PCDH11Y: variants seen among roughly 807,000 people sequenced by gnomAD.
The protein encoded by PCDH11Y is protocadherin-11 Y-linked.
For missense variants in PCDH11Y, 12 were observed against 224.8 expected (o/e 0.05, Z 6.05); for synonymous variants, 9 against 83.6 (o/e 0.11, Z 4.87).
At chrY:5,729,058 T>C in intron 4 of PCDH11Y, among the ~76,000 whole-genome samples, 1 of 33,690 alleles carries the variant, frequency 3.0e-5, no homozygotes, top group Non-Finnish European at 7.4e-5. Flanking sequence ...TCTTTGCTAT[T>C]GTGAACAGTG....
At chrY:5,706,848 G>C in intron 4 of PCDH11Y, among the ~76,000 whole-genome samples, 1 of 30,675 alleles carries the variant, frequency 3.3e-5, no homozygotes, top group Non-Finnish European at 8.0e-5. Context: ...CTATTACTCT[G>C]CTGTATATTC....
At chrY:5,125,745 A>G (rs2052824480) in intron 2 of PCDH11Y, among the ~76,000 whole-genome samples, 1 of 31,919 alleles carries the variant, frequency 3.1e-5, no homozygotes, top group African/African-American at 1.2e-4. Context: ...CTCTATGTGC[A>G]TGTGTGTGTG....
intron 4 of PCDH11Y, among the ~76,000 whole-genome samples, chrY:5,659,796 C>T (rs2053539652): frequency 4.1e-5 from 1 of 24,600 alleles, no homozygotes; most frequent in Non-Finnish European, 9.1e-5. Flanking sequence ...ATCTAGTGTG[C>T]AAAACAAAGT....
intron 2 of PCDH11Y, among the ~76,000 whole-genome samples, chrY:5,407,798 C>T (rs2124677820): frequency 3.3e-5 from 1 of 30,622 alleles, no homozygotes; most frequent in East Asian, 8.8e-4. Context: ...GCCTGTAGTC[C>T]CAGCTACTCG....
At chrY:5,381,654 C>A in intron 2 of PCDH11Y, among the ~76,000 whole-genome samples, 1 of 33,545 alleles carries the variant, frequency 3.0e-5, no homozygotes, top group African/African-American at 1.2e-4. Flanking sequence ...CCGTTCTTAA[C>A]AATTCTAGCA....
chrY:5,378,698 C>A, intron 2 of PCDH11Y, among the ~76,000 whole-genome samples: 2 of 33,308 alleles, frequency 6.0e-5, no homozygotes, highest in Non-Finnish European at 1.5e-4. Context: ...ATTCTATCAT[C>A]AAGGAAATTT....
At chrY:5,354,017 A>T in intron 2 of PCDH11Y, among the ~76,000 whole-genome samples, 1 of 33,832 alleles carries the variant, frequency 3.0e-5, no homozygotes, top group Non-Finnish European at 7.3e-5. Flanking sequence ...TGCCAAAAAA[A>T]AGTCTCTTCC....
chrY:5,646,138 C>T, intron 4 of PCDH11Y, among the ~76,000 whole-genome samples: 1 of 32,061 alleles, frequency 3.1e-5, no homozygotes, highest in African/African-American at 1.2e-4. Flanking sequence ...TACATACACA[C>T]AGTGGTATAC....
chrY:5,738,979 C>T, exon 5 of PCDH11Y: 1 of 32,467 alleles, frequency 3.1e-5, no homozygotes, highest in Non-Finnish European at 7.6e-5. Flanking sequence ...ATAACAAATA[C>T]ATGTAACTGT....
chrY:5,257,103 T>C, intron 2 of PCDH11Y, among the ~76,000 whole-genome samples: 1 of 33,406 alleles, frequency 3.0e-5, no homozygotes, highest in Non-Finnish European at 7.4e-5. Context: ...AAAGTGGGTA[T>C]CCTTGTTGTG....
intron 2 of PCDH11Y, among the ~76,000 whole-genome samples, chrY:5,296,501 G>A: frequency 3.0e-5 from 1 of 32,984 alleles, no homozygotes; most frequent in African/African-American, 1.2e-4. Context: ...AGGGTGGCAA[G>A]TTCCTATAAG....
intron 2 of PCDH11Y, among the ~76,000 whole-genome samples, chrY:5,137,773 A>G (rs2052842467): frequency 6.0e-5 from 2 of 33,421 alleles, no homozygotes; most frequent in South Asian, 1.3e-3. Flanking sequence ...TAAAACAATT[A>G]CTACTAGACC....
intron 2 of PCDH11Y, among the ~76,000 whole-genome samples, chrY:5,295,556 A>G: frequency 3.2e-5 from 1 of 31,195 alleles, no homozygotes; most frequent in East Asian, 8.6e-4. Flanking sequence ...TTTTTTTTGT[A>G]TTTTTAGTAA....
At chrY:5,431,386 TAG>T (rs2053268892) in intron 2 of PCDH11Y, among the ~76,000 whole-genome samples, 1 of 30,172 alleles carries the variant, frequency 3.3e-5, no homozygotes, top group Non-Finnish European at 8.1e-5. Context: ...GATTTGTCTT[TAG>T]AGAGTCCTTC....
chrY:5,338,176 T>A, intron 2 of PCDH11Y: 1 of 355,841 alleles, frequency 2.8e-6, no homozygotes, highest in Non-Finnish European at 4.1e-6. Context: ...ACAAGTCACA[T>A]AGTGTGTCCA....
At chrY:5,195,049 A>C in intron 2 of PCDH11Y, among the ~76,000 whole-genome samples, 1 of 33,143 alleles carries the variant, frequency 3.0e-5, no homozygotes, top group Admixed American at 2.8e-4. Flanking sequence ...CTAGACACAG[A>C]ATGCTGATTG....
At chrY:5,310,397 C>G in intron 2 of PCDH11Y, among the ~76,000 whole-genome samples, 1 of 33,047 alleles carries the variant, frequency 3.0e-5, no homozygotes, top group African/African-American at 1.2e-4. Flanking sequence ...CTGTCTAGTA[C>G]AGTAACTAGT....
At chrY:5,091,734 A>G in intron 1 of PCDH11Y, among the ~76,000 whole-genome samples, 1 of 33,325 alleles carries the variant, frequency 3.0e-5, no homozygotes, top group African/African-American at 1.2e-4. Context: ...TAGTGAACAC[A>G]AGGCCAGAAA....
intron 3 of PCDH11Y, among the ~76,000 whole-genome samples, chrY:5,045,811 C>T: frequency 6.1e-5 from 2 of 32,696 alleles, no homozygotes; most frequent in Admixed American, 5.7e-4. Context: ...TTGCTCGTTT[C>T]TTTTTATTCT....
Sources: allele counts gnomAD v4.1 joint callset (sites outside exome capture counted in the v4.1 genomes callset), GRCh38; gene constraint gnomAD v4.1.1; transcripts MANE v1.5; gene names NCBI Gene and HGNC (gene_info 2026-07-23, HGNC 2026-07-21).